The following ARFGEF3 variants were observed in gnomAD, a reference collection of about 807,000 sequenced individuals.
ARFGEF3 encodes brefeldin A-inhibited guanine nucleotide-exchange protein 3.
A neutral mutation model predicts 221.7 loss-of-function variants in ARFGEF3; 96 were observed. The observed-to-expected ratio is 0.43, with a 90% CI of 0.37 to 0.51. The LOEUF (loss-of-function observed/expected upper bound fraction) is 0.51, where lower values mean the gene tolerates loss of function less well. Ranked by LOEUF, ARFGEF3 falls within the 20% of genes least tolerant of loss-of-function variation. The probability of loss-of-function intolerance (pLI) is 0.00; values close to 1 mark genes in which losing one functional copy is unlikely to be tolerated. For missense variants in ARFGEF3, 2,410 were observed against 2,789.9 expected, an observed-to-expected ratio of 0.86 and a Z score of 3.07; for synonymous variants, 1,145 against 1,126.8, an observed-to-expected ratio of 1.02 and a Z score of -0.32.
chr6:138,267,669 T>C (rs948995022), intron 12 of ARFGEF3, among the ~76,000 whole-genome samples: 10 of 152,204 alleles, frequency 6.6e-5, no homozygotes, highest in African/African-American at 2.4e-4. Flanking sequence ...TTCAGTTTTG[T>C]GTCTTTGTAC....
At chr6:138,237,120 CAT>C (rs1778301744) in intron 5 of ARFGEF3, among the ~76,000 whole-genome samples, 1 of 151,020 alleles carries the variant, frequency 6.6e-6, no homozygotes, top group African/African-American at 2.4e-5. Flanking sequence ...GCTAGGTAAA[CAT>C]AGTGAGGCAT....
intron 17 of ARFGEF3, among the ~76,000 whole-genome samples, chr6:138,289,516 C>T (rs1020457066): frequency 3.3e-5 from 5 of 152,176 alleles, no homozygotes; most frequent in African/African-American, 1.2e-4. Context: ...GGAATTGGCT[C>T]ATGAAACCCA....
intron 2 of ARFGEF3, among the ~76,000 whole-genome samples, chr6:138,192,999 T>C (rs1306308739): frequency 6.6e-6 from 1 of 152,194 alleles, no homozygotes; most frequent in Non-Finnish European, 1.5e-5. Context: ...GATTACATTA[T>C]TCCTTTGATT....
chr6:138,328,272 GT>G, intron 32 of ARFGEF3, 130 bp downstream of exon 32: 1 of 1,160,124 alleles, frequency 8.6e-7, no homozygotes, highest in Non-Finnish European at 1.2e-6. Flanking sequence ...TTTAGCAAAG[GT>G]TTTCATAAAA....
Position 138,222,628 on chromosome 6 carries a change from G to A in ARFGEF3, c.352-7156G>A, listed in dbSNP as rs1145971. 1.7e-3 allele frequency among the ~76,000 whole-genome samples: 266 copies of A among 152,264 alleles called. 1 individual carries two copies. Among genetic ancestry groups the A allele is most frequent in the Non-Finnish European group, 3.3e-3 (227 of 68,010 alleles). The stretch of plus-strand genomic sequence containing the variant: ...AGCAGGACAGTCCTGCCGACAAAAG[G>A]AATTATTTTGTCTAACATGCGAATA... On this transcript the variant is annotated intron_variant, in intron 4 of 33. Transcript: ENST00000251691.
intron 25 of ARFGEF3, among the ~76,000 whole-genome samples, chr6:138,311,901 C>G (rs1163767768): frequency 6.6e-6 from 1 of 152,070 alleles, no homozygotes; most frequent in African/African-American, 2.4e-5. Context: ...GAAAGACATG[C>G]TCAGTCAAGA....
chr6:138,217,019 T>C (rs1171769256), intron 4 of ARFGEF3: 1 of 152,240 alleles, frequency 6.6e-6, no homozygotes, highest in African/African-American at 2.4e-5. Context: ...TACCCTTTGA[T>C]ATGACTGCCT....
chr6:138,163,766 A>T (rs1052829788), intron 1 of ARFGEF3, among the ~76,000 whole-genome samples: 1 of 152,198 alleles, frequency 6.6e-6, no homozygotes, highest in African/African-American at 2.4e-5. Context: ...GAGTGGATGT[A>T]CTTCCTTTCC....
chr6:138,289,078 T>TAC (rs1385564484), intron 17 of ARFGEF3, among the ~76,000 whole-genome samples: 34 of 152,138 alleles, frequency 2.2e-4, no homozygotes, highest in African/African-American at 7.0e-4. Flanking sequence ...CCCAGCCTCC[T>TAC]GAGTAGCTGG....
Position 138,238,424 on chromosome 6 carries a change from A to T in ARFGEF3, c.421-85A>T, listed in dbSNP as rs573979216. ...TGACTTTCTGTTTAAGAGGGATTTG[A>T]TATCCTCTCTGGTCAATCCCAAAGA... On this transcript the variant is annotated intron_variant, in intron 5 of 33. Transcript: ENST00000251691. The T allele has an allele frequency of 5.7e-6, 8 of 1,399,218 alleles. No homozygotes were observed. The African/African-American group carries it at 1.0e-4, about 17-fold the overall frequency. 86.7% of individuals were successfully genotyped at this position (1,399,218 alleles called of 1,614,324 possible).
intron 10 of ARFGEF3, among the ~76,000 whole-genome samples, chr6:138,256,012 TAAG>T (rs1778672764): frequency 6.6e-6 from 1 of 152,204 alleles, no homozygotes; most frequent in African/African-American, 2.4e-5. Flanking sequence ...TAGTGCTTGT[TAAG>T]ACTCTGTTAG....
At chr6:138,189,817 T>G (rs1777260818) in intron 2 of ARFGEF3, among the ~76,000 whole-genome samples, 1 of 152,174 alleles carries the variant, frequency 6.6e-6, no homozygotes, top group East Asian at 1.9e-4. Context: ...TGGTGACTCA[T>G]GCCTGTAATC....
At chr6:138,236,455 A>G (rs1778289306) in intron 5 of ARFGEF3, among the ~76,000 whole-genome samples, 1 of 152,198 alleles carries the variant, frequency 6.6e-6, no homozygotes, top group South Asian at 2.1e-4. Context: ...ATTTCATCGC[A>G]TGCAAAAGTA....
chr6:138,170,956 A>C (rs1009980675), intron 2 of ARFGEF3, among the ~76,000 whole-genome samples: 1 of 152,182 alleles, frequency 6.6e-6, no homozygotes, highest in Non-Finnish European at 1.5e-5. Context: ...AGGTAGAAGG[A>C]CAAAAAGAGG....
At position 138,210,110 on chromosome 6, in the gene ARFGEF3, A is replaced by G; in HGVS notation, c.351+69A>G. ...CACATCCTGATCCCCTGCACTTGTT[A>G]TCTGAAAATGCCTCTGCGTTGTGGT... is the stretch of plus-strand genomic sequence containing the variant. On this transcript the variant is annotated intron_variant, in intron 4 of 33. Transcript: ENST00000251691. 6 of 1,511,668 alleles carry G rather than the reference A, an allele frequency of 4.0e-6. No individual in the cohort carries two copies. The South Asian group carries it at 7.3e-5, about 18-fold the overall frequency. The allele number at this position is 1,511,668 out of a possible 1,614,324, so 93.6% of individuals were successfully genotyped here.
At chr6:138,173,143 A>G (rs895907853) in intron 2 of ARFGEF3, among the ~76,000 whole-genome samples, 2 of 151,592 alleles carry the variant, frequency 1.3e-5, no homozygotes, top group Non-Finnish European at 2.9e-5. Context: ...GTTAAAGAAG[A>G]GTTCACCTTT....
chr6:138,284,934 A>G (rs1282752698), intron 14 of ARFGEF3, among the ~76,000 whole-genome samples: 2 of 152,250 alleles, frequency 1.3e-5, no homozygotes, highest in Non-Finnish European at 2.9e-5. Context: ...AGCAGCTGTC[A>G]TAACAGAGTA....
intron 5 of ARFGEF3, among the ~76,000 whole-genome samples, chr6:138,230,110 T>G (rs1778164964): frequency 1.3e-5 from 2 of 152,184 alleles, no homozygotes; most frequent in Admixed American, 6.5e-5. Flanking sequence ...ATAACAGTAC[T>G]GGTTCCCCTT....
chr6:138,338,044 G>A lies in ARFGEF3; in HGVS notation c.*1558G>A, dbSNP rs1005135206. On this transcript the variant is annotated 3_prime_UTR_variant, in exon 34 of 34. Transcript: ENST00000251691. ...GAAGGCAGTGTTCTGACTTCTTTAGGTGATCTGAAAAAAACACCCTTATCA... is the reference window on the plus strand; with the variant it reads ...GAAGGCAGTGTTCTGACTTCTTTAGATGATCTGAAAAAAACACCCTTATCA... 6.6e-6 allele frequency: 1 copy of A among 151,924 alleles called. No homozygotes were observed. Among genetic ancestry groups the A allele is most frequent in the Admixed American group, 6.6e-5 (1 of 15,240 alleles). 9.4% of individuals were successfully genotyped at this position (151,924 alleles called of 1,614,324 possible). A position where few individuals can be genotyped will look rare whatever the true frequency, so the allele number is the denominator to read the frequency against.
Sources: allele counts gnomAD v4.1 joint callset (sites outside exome capture counted in the v4.1 genomes callset), GRCh38; gene constraint gnomAD v4.1.1; transcripts MANE v1.5; gene names NCBI Gene and HGNC (gene_info 2026-07-23, HGNC 2026-07-21).